RALYL: variants seen among roughly 807,000 people sequenced by gnomAD.
The protein encoded by RALYL is RALY RNA binding protein like, also known as RNA-binding Raly-like protein.
Under a neutral mutation model 35.1 loss-of-function variants are expected in RALYL, and 29 were observed. The ratio of observed to expected loss-of-function variants is 0.83; its 90% CI spans 0.61 to 1.13. RALYL has a LOEUF of 1.13. Among genes scored for constraint, RALYL ranks in the 50% most tolerant of loss-of-function variants. The pLI, the probability that RALYL is intolerant of heterozygous loss-of-function variation, is 0.00. For missense variants in RALYL, 359 were observed against 360.4 expected (o/e 1.00, Z 0.03); for synonymous variants, 120 against 127.6 (o/e 0.94, Z 0.40).
chr8:84,271,320 A>G (rs1272484901), intron 1 of RALYL, among the ~76,000 whole-genome samples: 2 of 152,052 alleles, frequency 1.3e-5, no homozygotes, highest in Non-Finnish European at 2.9e-5. Context: ...TAGGAAATAC[A>G]CATATTAAAT....
At chr8:84,564,780 C>T (rs575817491) in intron 2 of RALYL, among the ~76,000 whole-genome samples, 6 of 151,446 alleles carry the variant, frequency 4.0e-5, no homozygotes, top group Admixed American at 2.6e-4. Context: ...ATTAGTGTGA[C>T]CCAAGTTTAA....
At chr8:84,774,789 G>A (rs1161170159) in intron 3 of RALYL, 135 bp downstream of exon 3, 6 of 641,246 alleles carry the variant, frequency 9.4e-6, no homozygotes, top group African/African-American at 1.8e-5. Flanking sequence ...AAATGTTGTT[G>A]GTCAACATAT....
chr8:84,508,755 A>G (rs903142909), intron 1 of RALYL, among the ~76,000 whole-genome samples: 1 of 152,066 alleles, frequency 6.6e-6, no homozygotes, highest in South Asian at 2.1e-4. Flanking sequence ...AATTGAGAAT[A>G]CAACGTTGTT....
intron 4 of RALYL, among the ~76,000 whole-genome samples, chr8:84,834,245 G>T (rs182126953): frequency 6.6e-6 from 1 of 152,290 alleles, no homozygotes; most frequent in Non-Finnish European, 1.5e-5. Context: ...TGTCAGTCAG[G>T]ATCTGCAAAA....
At chr8:84,523,454 A>G (rs2058626118) in intron 1 of RALYL, among the ~76,000 whole-genome samples, 1 of 152,140 alleles carries the variant, frequency 6.6e-6, no homozygotes, top group South Asian at 2.1e-4. Flanking sequence ...GGACACAAGG[A>G]CAATCCATAT....
chr8:84,665,543 A>T (rs1248687061), intron 2 of RALYL, among the ~76,000 whole-genome samples: 1 of 152,040 alleles, frequency 6.6e-6, no homozygotes, highest in Non-Finnish European at 1.5e-5. Context: ...GGGAGGGTGT[A>T]TGTGTCCAGG....
chr8:84,729,740 A>G (rs1354451483), intron 2 of RALYL, among the ~76,000 whole-genome samples: 1 of 152,040 alleles, frequency 6.6e-6, no homozygotes, highest in Non-Finnish European at 1.5e-5. Context: ...CTACCATCAG[A>G]GAATACTACA....
intron 2 of RALYL, among the ~76,000 whole-genome samples, chr8:84,730,777 T>C (rs1846019387): frequency 6.6e-6 from 1 of 152,072 alleles, no homozygotes; most frequent in African/African-American, 2.4e-5. Flanking sequence ...GCATGTCACA[T>C]GATTTGAAAG....
At chr8:84,480,913 G>GT (rs982938917) in intron 1 of RALYL, among the ~76,000 whole-genome samples, 1 of 151,546 alleles carries the variant, frequency 6.6e-6, no homozygotes, top group African/African-American at 2.4e-5. Flanking sequence ...GATATTCAGA[G>GT]AAAAAAAAGT....
chr8:84,648,128 A>G (rs143686813), intron 2 of RALYL, among the ~76,000 whole-genome samples: 655 of 152,206 alleles, frequency 4.3e-3, no homozygotes, highest in African/African-American at 0.015. Flanking sequence ...GCACACACAC[A>G]CACACACGAC....
intron 1 of RALYL, among the ~76,000 whole-genome samples, chr8:84,519,017 T>A: frequency 6.6e-6 from 1 of 152,226 alleles, no homozygotes; most frequent in East Asian, 1.9e-4. Context: ...ACAGCAGAGT[T>A]TGATTCCAGT....
intron 1 of RALYL, among the ~76,000 whole-genome samples, chr8:84,252,479 T>A (rs1017096010): frequency 1.3e-5 from 2 of 152,148 alleles, no homozygotes; most frequent in African/African-American, 4.8e-5. Context: ...TAATGTAAGA[T>A]CATAGGTAAA....
At chr8:84,506,101 A>C (rs2057141201) in intron 1 of RALYL, among the ~76,000 whole-genome samples, 1 of 152,096 alleles carries the variant, frequency 6.6e-6, no homozygotes, top group African/African-American at 2.4e-5. Flanking sequence ...GTTTATTTCT[A>C]AGCATCATAA....
intron 1 of RALYL, among the ~76,000 whole-genome samples, chr8:84,318,907 T>A (rs1563726270): frequency 2.6e-5 from 4 of 152,182 alleles, no homozygotes; most frequent in Non-Finnish European, 1.5e-5. Context: ...CTCATAAAAG[T>A]CTTACAGGCT....
At chr8:84,436,736 T>A (rs1043239025) in intron 1 of RALYL, among the ~76,000 whole-genome samples, 8 of 151,416 alleles carry the variant, frequency 5.3e-5, no homozygotes, top group African/African-American at 1.9e-4. Context: ...TACACATACA[T>A]CTGTGAAACT....
At chr8:84,455,034 G>A (rs980218687) in intron 1 of RALYL, among the ~76,000 whole-genome samples, 1 of 151,988 alleles carries the variant, frequency 6.6e-6, no homozygotes, top group Non-Finnish European at 1.5e-5. Flanking sequence ...ACTATACATA[G>A]TATAATATAA....
chr8:84,883,609 G>C (rs916407487), intron 7 of RALYL, among the ~76,000 whole-genome samples: 2 of 151,902 alleles, frequency 1.3e-5, no homozygotes, highest in African/African-American at 2.4e-5. Flanking sequence ...TCTCCCACTG[G>C]GTTCTTCCAA....
At chr8:84,386,456 G>A (rs1290262810) in intron 1 of RALYL, among the ~76,000 whole-genome samples, 2 of 151,816 alleles carry the variant, frequency 1.3e-5, no homozygotes, top group African/African-American at 2.4e-5. Context: ...GTTTGACTTT[G>A]AAATTTTCAG....
At chr8:84,398,030 C>T (rs1209364762) in intron 1 of RALYL, among the ~76,000 whole-genome samples, 1 of 152,152 alleles carries the variant, frequency 6.6e-6, no homozygotes, top group Non-Finnish European at 1.5e-5. Context: ...GTTTTTGTAT[C>T]TGGATTTAGA....
Sources: allele counts gnomAD v4.1 joint callset (sites outside exome capture counted in the v4.1 genomes callset), GRCh38; gene constraint gnomAD v4.1.1; transcripts MANE v1.5; gene names NCBI Gene and HGNC (gene_info 2026-07-23, HGNC 2026-07-21).